The following CNGB1 variants were observed in gnomAD, a reference collection of about 807,000 sequenced individuals.
CNGB1 encodes the protein cyclic nucleotide-gated channel beta-1.
CNGB1 carries 126 observed loss-of-function variants against 151.7 expected under a neutral mutation model. The observed-to-expected ratio is 0.83, with a 90% CI of 0.72 to 0.96. The LOEUF is 0.96. Among genes scored for constraint, CNGB1 ranks in the 40% least tolerant of loss-of-function variants. CNGB1 has a pLI of 0.00. For missense variants in CNGB1, 1,698 were observed against 1,627.0 expected (o/e 1.04, Z -0.75); for synonymous variants, 623 against 635.1 (o/e 0.98, Z 0.29).
Position 57,898,935 on chromosome 16 carries a change from T to C in CNGB1, c.2977-1021A>G, listed in dbSNP as rs572022603. On this transcript the variant is annotated intron_variant, in intron 29 of 32. Coordinates refer to ENST00000251102, the MANE Select transcript of CNGB1 (RefSeq NM_001297.5). ...TTTGGGAATAGGGTCATTGCAGATG[T>C]AATTCCTAAAGATGAGGTCCTTCTA... Among the ~76,000 whole-genome samples, 8 of 152,294 alleles carry C rather than the reference T, an allele frequency of 5.3e-5. No homozygotes were observed. The South Asian group carries it at 1.7e-3, about 32-fold the overall frequency.
At chr16:57,961,725 C>T (rs1301116010) in intron 7 of CNGB1, among the ~76,000 whole-genome samples, 1 of 152,134 alleles carries the variant, frequency 6.6e-6, no homozygotes, top group Non-Finnish European at 1.5e-5. Context: ...TCATTTGTCC[C>T]ATGTGTGCTG....
chr16:57,931,278 G>A (rs763553111), intron 17 of CNGB1, among the ~76,000 whole-genome samples: 22 of 151,780 alleles, frequency 1.4e-4, no homozygotes, highest in Non-Finnish European at 2.5e-4. Flanking sequence ...TCAGCCTCCC[G>A]AGTAGCTGGG....
At chr16:57,947,848 C>T (rs1474765819) in intron 14 of CNGB1, among the ~76,000 whole-genome samples, 7 of 152,206 alleles carry the variant, frequency 4.6e-5, no homozygotes, top group Non-Finnish European at 1.0e-4. Context: ...GCCCTGATGA[C>T]CCCTCTGCAG....
intron 14 of CNGB1, among the ~76,000 whole-genome samples, chr16:57,944,722 A>C (rs1961758150): frequency 6.6e-6 from 1 of 152,076 alleles, no homozygotes; most frequent in South Asian, 2.1e-4. Flanking sequence ...CGGGAGGTCG[A>C]GGTGGGCGGA....
At chr16:57,955,748 G>A (rs1389140435) in intron 12 of CNGB1, among the ~76,000 whole-genome samples, 4 of 151,630 alleles carry the variant, frequency 2.6e-5, no homozygotes, top group Middle Eastern at 3.4e-3. Flanking sequence ...GTGTAGAGAC[G>A]GAGGCGGGCA....
Position 57,888,918 on chromosome 16 carries a change from C to T in CNGB1, c.3243-844G>A, listed in dbSNP as rs376919007. On this transcript the variant is annotated intron_variant, in intron 31 of 32. Coordinates refer to ENST00000251102, the MANE Select transcript of CNGB1 (RefSeq NM_001297.5). ...TCACCATCACAATTATCAGCATTTA[C>T]TGAGTGTCTGTATATGCCAGGCCCT... 4.2e-3 allele frequency among the ~76,000 whole-genome samples: 646 copies of T among 152,314 alleles called. 4 individuals carry two copies. The highest frequency in any genetic ancestry group is 0.015 in the African/African-American group (626 of 41,572).
intron 29 of CNGB1, 122 bp downstream of exon 29, chr16:57,901,230 T>G: frequency 1.0e-6 from 1 of 979,866 alleles, no homozygotes; most frequent in South Asian, 1.3e-5. Context: ...CCGCAGACGC[T>G]CTTCTCCCTC....
intron 17 of CNGB1, among the ~76,000 whole-genome samples, chr16:57,930,388 G>A (rs116020470): frequency 1.3e-3 from 199 of 152,054 alleles, no homozygotes; most frequent in African/African-American, 4.6e-3. Flanking sequence ...ACAGCTACTC[G>A]AGAAGCTGAG....
rs780716033 is a variant in CNGB1 at position 57,904,875 on chromosome 16, A to G, written c.2493T>C (p.Ser831=). Residue 831 remains serine (S), a splice_region_variant and synonymous_variant, in exon 26 of 33, where the codon AGT becomes AGC. Coordinates refer to ENST00000251102, the MANE Select transcript of CNGB1 (RefSeq NM_001297.5). ...CAGCAAAGTAGTAACAGCGAATATA[A>G]CTGGAGAGAGAGGAGAAAGGGAACA... The part of the protein sequence containing the change: ...THWVYDGVGN[S]YIRCYYFAVK... 18 of 1,614,056 alleles carry G rather than the reference A, an allele frequency of 1.1e-5. No individual in the cohort carries two copies. In the South Asian group the frequency reaches 1.6e-4, roughly 15 times the overall value.
intron 20 of CNGB1, among the ~76,000 whole-genome samples, chr16:57,918,597 C>T (rs574896887): frequency 6.6e-6 from 1 of 152,286 alleles, no homozygotes; most frequent in South Asian, 2.1e-4. Flanking sequence ...GTCAGGAGTC[C>T]TGGGTCCGCA....
intron 12 of CNGB1, among the ~76,000 whole-genome samples, chr16:57,952,528 A>C (rs182743421): frequency 9.5e-6 from 1 of 104,856 alleles, no homozygotes; most frequent in East Asian, 3.0e-4. Context: ...TTTGAGACAG[A>C]GTCTCACTGT....
At chr16:57,892,367 G>A (rs1434567202) in intron 31 of CNGB1, among the ~76,000 whole-genome samples, 3 of 152,162 alleles carry the variant, frequency 2.0e-5, no homozygotes, top group Admixed American at 6.5e-5. Flanking sequence ...GCACTGGCAC[G>A]CACCACTGAT....
At chr16:57,918,665 T>C (rs1960945683) in intron 20 of CNGB1, among the ~76,000 whole-genome samples, 1 of 152,186 alleles carries the variant, frequency 6.6e-6, no homozygotes, top group Admixed American at 6.5e-5. Context: ...TCCTCATCTG[T>C]AAAATGGGTA....
At chr16:57,919,739 T>C (rs1344779580) in intron 19 of CNGB1, among the ~76,000 whole-genome samples, 1 of 152,134 alleles carries the variant, frequency 6.6e-6, no homozygotes, top group Non-Finnish European at 1.5e-5. Flanking sequence ...AGAGACCAGA[T>C]GGGATCACAG....
At chr16:57,950,317 T>C (rs1476280855) in intron 13 of CNGB1, 64 bp downstream of exon 13, 2 of 1,578,802 alleles carry the variant, frequency 1.3e-6, no homozygotes, top group African/African-American at 1.3e-5. Flanking sequence ...TGAGATAAGG[T>C]ACTGCATGCT....
chr16:57,894,407 C>G (rs1255606054), intron 31 of CNGB1, among the ~76,000 whole-genome samples: 4 of 152,174 alleles, frequency 2.6e-5, no homozygotes, highest in Non-Finnish European at 5.9e-5. Context: ...TCGAGACAAG[C>G]CTGGCCAACG....
intron 31 of CNGB1, among the ~76,000 whole-genome samples, chr16:57,888,512 A>G (rs185587859): frequency 9.9e-5 from 15 of 151,656 alleles, no homozygotes; most frequent in Non-Finnish European, 1.6e-4. Context: ...TCTGTCGCCC[A>G]GGCAGGAGTG....
intron 32 of CNGB1, among the ~76,000 whole-genome samples, chr16:57,886,711 A>G (rs1244701058): frequency 8.2e-6 from 1 of 122,524 alleles, no homozygotes; most frequent in African/African-American, 3.8e-5. Flanking sequence ...CAGACTTCCT[A>G]AAGGACAGCC....
chr16:57,935,108 G>A (rs982877393), intron 16 of CNGB1, among the ~76,000 whole-genome samples: 4 of 151,396 alleles, frequency 2.6e-5, no homozygotes, highest in South Asian at 2.1e-4. Context: ...GTCTCGGGTC[G>A]GTGCCACTGT....
Sources: allele counts gnomAD v4.1 joint callset (sites outside exome capture counted in the v4.1 genomes callset), GRCh38; gene constraint gnomAD v4.1.1; transcripts MANE v1.5; gene names NCBI Gene and HGNC (gene_info 2026-07-23, HGNC 2026-07-21).